The following ABCD2 variants were observed in gnomAD, a reference collection of about 807,000 sequenced individuals.
ABCD2 encodes the protein ATP-binding cassette sub-family D member 2.
Under a neutral mutation model 70.9 loss-of-function variants are expected in ABCD2, and 36 were observed. The ratio of observed to expected loss-of-function variants is 0.51; its 90% CI spans 0.39 to 0.67. The LOEUF is 0.67. Among genes scored for constraint, ABCD2 ranks in the 30% least tolerant of loss-of-function variants. The probability of loss-of-function intolerance (pLI) is 0.00; values close to 1 mark genes in which losing one functional copy is unlikely to be tolerated. For synonymous variants in ABCD2, 304 were observed against 306.9 expected (o/e 0.99, Z 0.10); for missense variants, 729 against 890.2 (o/e 0.82, Z 2.30).
chr12:39,558,071 GA>G (rs1275653805), intron 9 of ABCD2, among the ~76,000 whole-genome samples: 2 of 152,250 alleles, frequency 1.3e-5, no homozygotes, highest in Non-Finnish European at 2.9e-5. Context: ...GCCAGCCCAT[GA>G]AAGCAGCCAT....
At position 39,560,621 on chromosome 12, in the gene ABCD2, T is replaced by C. The variant is rs371635080; in HGVS notation, c.2004-6490A>G. Among the ~76,000 whole-genome samples the C allele has an allele frequency of 7.2e-5, 11 of 152,072 alleles. No individual in the cohort carries two copies. The East Asian group carries it at 1.5e-3, about 21-fold the overall frequency. On this transcript the variant is annotated intron_variant, in intron 9 of 9. Coordinates refer to ENST00000308666, the MANE Select transcript of ABCD2 (RefSeq NM_005164.4). ...GTTGTGTTTTTTTGCAATTTGTATATACTTTAACAACTAAAATAATCTGTT... is the reference window on the plus strand; with the variant it reads ...GTTGTGTTTTTTTGCAATTTGTATACACTTTAACAACTAAAATAATCTGTT...
At chr12:39,534,705 A>AGGAC in the ABCD2 span, among the ~76,000 whole-genome samples, 7 of 138,870 alleles carry the variant, frequency 5.0e-5, no homozygotes, top group African/African-American at 2.1e-4. Context: ...GAAGGACGGA[A>AGGAC]GGAAGGAAGG....
the ABCD2 span, among the ~76,000 whole-genome samples, chr12:39,544,141 G>A: frequency 6.6e-6 from 1 of 152,250 alleles, no homozygotes; most frequent in East Asian, 1.9e-4. Flanking sequence ...GGTGGGTGGG[G>A]GGAAGCCAGT....
intron 9 of ABCD2, among the ~76,000 whole-genome samples, chr12:39,560,670 T>C (rs1321831328): frequency 6.6e-6 from 1 of 152,154 alleles, no homozygotes; most frequent in African/African-American, 2.4e-5. Context: ...TATAAAAAGA[T>C]GTAAATTGTG....
intron 7 of ABCD2, among the ~76,000 whole-genome samples, chr12:39,583,052 G>T (rs1941618254): frequency 1.3e-5 from 2 of 151,930 alleles, no homozygotes; most frequent in African/African-American, 4.8e-5. Context: ...TAGGGAAGTG[G>T]TTTCACCATG....
intron 6 of ABCD2, among the ~76,000 whole-genome samples, chr12:39,597,626 T>G (rs1941834989): frequency 6.6e-6 from 1 of 152,138 alleles, no homozygotes; most frequent in South Asian, 2.1e-4. Flanking sequence ...AGGAGTACAT[T>G]CACATGGCTC....
At chr12:39,573,138 T>C (rs917679118) in intron 9 of ABCD2, among the ~76,000 whole-genome samples, 1 of 152,124 alleles carries the variant, frequency 6.6e-6, no homozygotes, top group Non-Finnish European at 1.5e-5. Flanking sequence ...TCAACTATTA[T>C]GATGATGATG....
intron 9 of ABCD2, among the ~76,000 whole-genome samples, chr12:39,572,850 G>A (rs1056042698): frequency 3.3e-5 from 5 of 152,092 alleles, no homozygotes; most frequent in African/African-American, 1.2e-4. Context: ...CATATATAGA[G>A]ACAGTTATAG....
At chr12:39,599,484 G>T (rs1184675419) in intron 6 of ABCD2, among the ~76,000 whole-genome samples, 1 of 152,164 alleles carries the variant, frequency 6.6e-6, no homozygotes, top group Non-Finnish European at 1.5e-5. Flanking sequence ...AATGCTTTTG[G>T]TGTCACAAAA....
At position 39,554,044 on chromosome 12, in the gene ABCD2, A is replaced by C. The variant is rs1216073085; in HGVS notation, c.2091T>G (p.Ser697Arg). 1 of 1,613,508 alleles carries C rather than the reference A, an allele frequency of 6.2e-7. No homozygotes were observed. Among genetic ancestry groups the C allele is most frequent in the East Asian group, 2.2e-5 (1 of 44,800 alleles). The change falls in exon 10 of 10, where the codon AGT becomes AGG. Residue 697 changes from serine (S) to arginine (R), a missense_variant. By Grantham distance (110) the Ser-to-Arg change is moderately radical. Coordinates refer to ENST00000308666, the MANE Select transcript of ABCD2 (RefSeq NM_005164.4). ...GAGATTCTAGCTTTTGTTTTTCTTC[A>C]CTCAATGTCAAACGGATAGCAGTAT... ...QLDTAIRLTL[S>R]EEKQKLESQL...
At position 39,586,098 on chromosome 12, in the gene ABCD2, G is replaced by C. The variant is rs115795072; in HGVS notation, c.1792+54C>G. 1,272 of 1,502,620 alleles carry C rather than the reference G, an allele frequency of 8.5e-4. 5 individuals carry two copies. In the African/African-American group the frequency reaches 0.016, roughly 19 times the overall value. 93.1% of individuals were successfully genotyped at this position (1,502,620 alleles called of 1,614,324 possible). On this transcript the variant is annotated intron_variant, in intron 7 of 9. Coordinates refer to ENST00000308666, the MANE Select transcript of ABCD2 (RefSeq NM_005164.4). Reference sequence around the variant, plus strand: ...AACCACAGACTAAATATATACCCAAGCTTACTTTTTAAAAGTGAAGTTAAA... The same window carrying C: ...AACCACAGACTAAATATATACCCAACCTTACTTTTTAAAAGTGAAGTTAAA...
chr12:39,605,066 C>G (rs1387718854), intron 3 of ABCD2, 136 bp from the exon 4 acceptor site: 2 of 563,714 alleles, frequency 3.5e-6, no homozygotes, highest in African/African-American at 3.9e-5. Context: ...TATAATACAT[C>G]TGAAAACTAA....
chr12:39,553,963 CA>C lies in ABCD2; in HGVS notation c.2171del (p.Leu724TrpfsTer7). ...TTGTTTTCAGCACTGAGTCTTCTCC[CA>C]AAATTTTACATAGTTCATTGAGTCT... ...QQRLNELCKI[L>X]GEDSVLKTIK... On this transcript the variant is annotated frameshift_variant, in exon 10 of 10. Transcript: ENST00000308666. LOFTEE classifies it high-confidence loss of function. The C allele has an allele frequency of 6.2e-7, 1 of 1,613,042 alleles. No homozygotes were observed. Among genetic ancestry groups the C allele is most frequent in the Non-Finnish European group, 8.5e-7 (1 of 1,179,742 alleles).
intron 2 of ABCD2, among the ~76,000 whole-genome samples, chr12:39,613,915 C>G (rs1942081095): frequency 6.6e-6 from 1 of 152,262 alleles, no homozygotes; most frequent in East Asian, 1.9e-4. Context: ...ATTATTTTTC[C>G]TTTCCCTTCC....
intron 9 of ABCD2, among the ~76,000 whole-genome samples, chr12:39,558,551 A>T (rs753693442): frequency 1.3e-4 from 20 of 152,210 alleles, no homozygotes; most frequent in Non-Finnish European, 2.5e-4. Context: ...GGTTTCCCCC[A>T]TGTTGTTCTC....
chr12:39,618,877 T>C lies in ABCD2; in HGVS notation c.739A>G (p.Thr247Ala). 3.1e-6 allele frequency: 5 copies of C among 1,614,210 alleles called. No individual in the cohort carries two copies. The highest frequency in any genetic ancestry group is 3.4e-6 in the Non-Finnish European group (4 of 1,180,030). ...LTSYTLIQTA[T>A]SRGASPIGPT... The stretch of plus-strand genomic sequence containing the variant: ...CCAATTGGGCTTGCTCCTCTGGATG[T>C]AGCAGTTTGAATGAGTGTATAGGAG... The change falls in exon 1 of 10, where the codon ACA becomes GCA. Residue 247 changes from threonine to alanine, a missense_variant. Around this residue, in one of 3 missense-constraint regions of ABCD2, gnomAD observed 195 missense variants for 300.2 expected, o/e 0.65. Transcript: ENST00000308666.
Position 39,617,099 on chromosome 12 carries a change from G to A in ABCD2, c.1009C>T (p.Arg337Cys), listed in dbSNP as rs1255939120. The A allele has an allele frequency of 9.9e-6, 16 of 1,612,178 alleles. No individual in the cohort carries two copies. The highest frequency in any genetic ancestry group is 3.3e-5 in the South Asian group (3 of 90,756). The change falls in exon 2 of 10, where the codon CGT becomes TGT. Residue 337 changes from arginine to cysteine, a missense_variant. Coordinates refer to ENST00000308666, the MANE Select transcript of ABCD2 (RefSeq NM_005164.4). ...TGTTCTATCATGATGTACCACAAAC[G>A]TTTGGATAAAATGAGGTTCATCTGA... ...ADQMNLILSK[R>C]LWYIMIEQFL...
intron 9 of ABCD2, among the ~76,000 whole-genome samples, chr12:39,562,980 TC>T (rs2120553258): frequency 6.6e-6 from 1 of 152,304 alleles, no homozygotes; most frequent in Non-Finnish European, 1.5e-5. Context: ...CACGTGGAAT[TC>T]ATCCTGGAGA....
chr12:39,566,662 C>T (rs1382233652), intron 9 of ABCD2, among the ~76,000 whole-genome samples: 1 of 152,004 alleles, frequency 6.6e-6, no homozygotes, highest in Non-Finnish European at 1.5e-5. Context: ...TTATTTCTTG[C>T]CTTCTGCTAG....
Sources: gnomAD v4.1 joint callset for allele counts (sites outside exome capture counted in the v4.1 genomes callset) on GRCh38, gnomAD v4.1.1 for gene constraint, gnomAD v4.1.1 regional missense constraint, MANE v1.5 for transcripts, NCBI Gene and HGNC (gene_info 2026-07-23, HGNC 2026-07-21) for gene names.